IAH1: variants seen among roughly 807,000 people sequenced by gnomAD.
The protein encoded by IAH1 is isoamyl acetate-hydrolyzing esterase 1 homolog.
In IAH1, 24 loss-of-function variants were observed where a neutral mutation model predicts 26.7. That is an observed-to-expected ratio of 0.90 (90% CI 0.65 to 1.26). The LOEUF (loss-of-function observed/expected upper bound fraction) is 1.26, where lower values mean the gene tolerates loss of function less well. IAH1 is among the 50% of genes most tolerant of loss of function. The pLI, the probability that IAH1 is intolerant of heterozygous loss-of-function variation, is 0.00. For missense variants in IAH1, 300 were observed against 299.9 expected, an observed-to-expected ratio of 1.00 and a Z score of 0.00; for synonymous variants, 140 against 118.5, an observed-to-expected ratio of 1.18 and a Z score of -1.18.
chr2:9,502,361 C>CTGAA, the IAH1 span: 1 of 1,180,008 alleles, frequency 8.5e-7, no homozygotes, highest in South Asian at 1.3e-5. Flanking sequence ...TTACAGTGAC[C>CTGAA]TGAAGATCAC....
intron 5 of IAH1, chr2:9,484,823 G>A: frequency 2.9e-6 from 1 of 348,114 alleles, no homozygotes; most frequent in Non-Finnish European, 5.2e-6. Flanking sequence ...GAACGTCCAG[G>A]CCAAGTTCTT....
At chr2:9,481,500 G>T in intron 4 of IAH1, 53 bp downstream of exon 4, 9 of 1,578,314 alleles carry the variant, frequency 5.7e-6, no homozygotes, top group Non-Finnish European at 7.8e-6. Context: ...GCTGAGGGAG[G>T]AACTCTGATA....
At chr2:9,497,174 C>G (rs767693528), downstream of IAH1, 4 of 1,614,234 alleles carry the variant, frequency 2.5e-6, no homozygotes, top group Non-Finnish European at 2.5e-6. Context: ...CATTTCCCAT[C>G]CTTACACTTG....
At chr2:9,508,324 TCAA>T in the IAH1 span, among the ~76,000 whole-genome samples, 3 of 152,146 alleles carry the variant, frequency 2.0e-5, no homozygotes, top group Non-Finnish European at 4.4e-5. Context: ...CTCACCAGCT[TCAA>T]CAATAATCAA....
chr2:9,510,465 A>G, the IAH1 span, among the ~76,000 whole-genome samples: 1 of 152,100 alleles, frequency 6.6e-6, no homozygotes, highest in Admixed American at 6.5e-5. Context: ...GGAGTTCGAG[A>G]CCAGCCTGGC....
chr2:9,494,727 A>G (rs1048610), downstream of IAH1: 914,996 of 1,613,660 alleles, frequency 0.57, 270,279 homozygotes, highest in African/African-American at 0.72. Context: ...CACAGCGGCC[A>G]GAAAGGTCCC....
At chr2:9,502,126 C>A in the IAH1 span, 2 of 1,500,406 alleles carry the variant, frequency 1.3e-6, no homozygotes, top group African/African-American at 2.8e-5. Flanking sequence ...CAAAGACACA[C>A]ACACACTTGA....
rs764517182 is a variant in IAH1 at position 9,484,541 on chromosome 2, G to A, written c.555G>A (p.Gln185=). ...TDVLDLWTLM[Q]DSQDFSSYLS... is the part of the protein sequence containing the mutation. Reference sequence around the variant, plus strand: ...TACTTGACCTGTGGACCCTGATGCAGGACAGCCAGGTACGGTGGCTTGCTC... The same window carrying A: ...TACTTGACCTGTGGACCCTGATGCAAGACAGCCAGGTACGGTGGCTTGCTC... Residue 185 remains glutamine (Q), a synonymous_variant, in exon 5 of 6, where the codon CAG becomes CAA. Coordinates refer to ENST00000497473, the MANE Select transcript of IAH1 (RefSeq NM_001039613.3). The A allele has an allele frequency of 6.2e-6, 10 of 1,611,622 alleles. No homozygotes were observed. In the East Asian group the frequency reaches 1.6e-4, roughly 25 times the overall value.
At position 9,488,148 on chromosome 2, in the gene IAH1, A is replaced by C. The variant is rs1661730751; in HGVS notation, c.566A>C (p.Asp189Ala). Residue 189 changes from aspartate to alanine, a missense_variant and splice_region_variant, in exon 6 of 6, where the codon GAC (aspartate) becomes GCC (alanine). By Grantham distance (126) the Asp-to-Ala change is moderately radical (BLOSUM62 -2). Coordinates refer to ENST00000497473, the MANE Select transcript of IAH1 (RefSeq NM_001039613.3). ...TTAACCGATTTCTCTCCCTTCTAGG[A>C]CTTCTCATCTTATTTATCAGATGGA... is the stretch of plus-strand genomic sequence containing the variant. ...DLWTLMQDSQ[D>A]FSSYLSDGLH... 26 of 1,600,576 alleles carry C rather than the reference A, an allele frequency of 1.6e-5. No individual in the cohort carries two copies. The highest frequency in any genetic ancestry group is 2.0e-5 in the Non-Finnish European group (23 of 1,174,874).
chr2:9,489,946 A>AAAACT (rs1661976387), downstream of IAH1: 1 of 452,494 alleles, frequency 2.2e-6, no homozygotes, highest in Non-Finnish European at 3.9e-6. Context: ...AGATATTTTA[A>AAAACT]AAACTAAAAC....
the IAH1 span, among the ~76,000 whole-genome samples, chr2:9,510,561 G>C: frequency 6.6e-6 from 1 of 152,186 alleles, no homozygotes; most frequent in South Asian, 2.1e-4. Context: ...CTACTCGGGA[G>C]GCTGAGGCAG....
chr2:9,506,369 T>G, the IAH1 span, among the ~76,000 whole-genome samples: 2 of 144,170 alleles, frequency 1.4e-5, no homozygotes, highest in Admixed American at 6.9e-5. Flanking sequence ...GTTTTTTTTT[T>G]TTTTTTTTTT....
chr2:9,487,848 G>A (rs1363201931), intron 5 of IAH1, among the ~76,000 whole-genome samples: 13 of 143,248 alleles, frequency 9.1e-5, no homozygotes, highest in African/African-American at 2.8e-4. Flanking sequence ...GCGCGCGCGC[G>A]CGCTGTGGGG....
chr2:9,481,135 C>A, intron 3 of IAH1, 151 bp from the exon 4 acceptor site: 1 of 793,760 alleles, frequency 1.3e-6, no homozygotes. Flanking sequence ...CATTTTAATT[C>A]ATAAGGAGAA....
At chr2:9,475,688 A>G in intron 1 of IAH1, 1 of 412,120 alleles carries the variant, frequency 2.4e-6, no homozygotes, top group East Asian at 5.0e-5. Context: ...TTTAGTAGAG[A>G]CGGGGTTTCG....
chr2:9,495,711 C>CAAA lies in IAH1; in HGVS notation c.*223-593_*223-591dup, dbSNP rs367778507. Among the ~76,000 whole-genome samples, 265 of 140,398 alleles carry CAAA rather than the reference C, an allele frequency of 1.9e-3. 1 individual carries two copies. Among genetic ancestry groups the CAAA allele is most frequent in the African/African-American group, 4.0e-3 (152 of 38,258 alleles). 92.1% of individuals were successfully genotyped at this position (140,398 alleles called of 152,430 possible). A position where few individuals can be genotyped will look rare whatever the true frequency, so the allele number is the denominator to read the frequency against. ...CCTGGGCGAGAGTGAGACTCCATCT[C>CAAA]AAAAAAAAAAAAAGAAAACCTTTTC... is the stretch of plus-strand genomic sequence containing the variant. On this transcript the variant is annotated intron_variant, in intron 6 of 6. Transcript: ENST00000481367.
chr2:9,478,613 C>T (rs1240263548), intron 3 of IAH1, among the ~76,000 whole-genome samples: 1 of 152,168 alleles, frequency 6.6e-6, no homozygotes, highest in African/African-American at 2.4e-5. Context: ...TTTCTAGAGT[C>T]TGTTAGTGCT....
chr2:9,495,835 T>G (rs912041798), intron 6 of IAH1, among the ~76,000 whole-genome samples: 2 of 151,934 alleles, frequency 1.3e-5, no homozygotes, highest in African/African-American at 4.8e-5. Context: ...CACAACAGAT[T>G]TATTTGGCAT....
At chr2:9,485,383 G>A (rs896330557) in intron 5 of IAH1, 1 of 152,404 alleles carries the variant, frequency 6.6e-6, no homozygotes, top group Non-Finnish European at 1.5e-5. Context: ...GCTGGGTGTG[G>A]TGGCTCACAC....
Sources: gnomAD v4.1 joint callset for allele counts (sites outside exome capture counted in the v4.1 genomes callset) on GRCh38, gnomAD v4.1.1 for gene constraint, MANE v1.5 for transcripts, NCBI Gene and HGNC (gene_info 2026-07-23, HGNC 2026-07-21) for gene names.